ITGA9: variants seen among roughly 807,000 people sequenced by gnomAD.
The protein encoded by ITGA9 is integrin alpha-9.
ITGA9 carries 56 observed loss-of-function variants against 127.8 expected under a neutral mutation model. The observed-to-expected ratio is 0.44, with a 90% CI of 0.35 to 0.55. The LOEUF is 0.55. ITGA9 is among the 20% of genes least tolerant of loss of function. The probability of loss-of-function intolerance (pLI) is 0.00; values close to 1 mark genes in which losing one functional copy is unlikely to be tolerated. For synonymous variants in ITGA9, 508 were observed against 514.5 expected (o/e 0.99, Z 0.17); for missense variants, 1,196 against 1,347.1 (o/e 0.89, Z 1.76).
chr3:37,533,663 C>A (rs1699180979), intron 14 of ITGA9, among the ~76,000 whole-genome samples, 195 bp downstream of exon 14: 1 of 152,216 alleles, frequency 6.6e-6, no homozygotes, highest in Non-Finnish European at 1.5e-5. Flanking sequence ...TGTCACACAA[C>A]CTCCAGCTCT....
In ITGA9 at chr3:37,708,046, G is replaced by A. The variant is rs113526882; in HGVS notation, c.2067+24031G>A. Among the ~76,000 whole-genome samples the A allele has an allele frequency of 2.6e-3, 389 of 152,258 alleles. 1 individual carries two copies. The highest frequency in any genetic ancestry group is 8.9e-3 in the African/African-American group (368 of 41,544). ...TAACAAACCACCCCCAAATCTAGTG[G>A]GCTTAATACAGCAATCATTTCTATT... On this transcript the variant is annotated intron_variant, in intron 18 of 27. Transcript: ENST00000264741.
At chr3:37,614,867 T>G (rs1037333558) in intron 15 of ITGA9, among the ~76,000 whole-genome samples, 3 of 152,238 alleles carry the variant, frequency 2.0e-5, no homozygotes, top group Non-Finnish European at 4.4e-5. Context: ...GATTTTGGGC[T>G]GAGATGATGG....
At chr3:37,621,452 G>A (rs1266497790) in intron 15 of ITGA9, among the ~76,000 whole-genome samples, 1 of 152,188 alleles carries the variant, frequency 6.6e-6, no homozygotes, top group Admixed American at 6.5e-5. Flanking sequence ...CCTGGCCACT[G>A]CTGCTATATT....
intron 20 of ITGA9, among the ~76,000 whole-genome samples, chr3:37,739,110 G>C (rs1242427809): frequency 6.6e-6 from 1 of 152,170 alleles, no homozygotes; most frequent in East Asian, 1.9e-4. Context: ...CCCTTACTCT[G>C]TGCTGGGCAC....
At chr3:37,582,855 C>T (rs1699723240) in intron 15 of ITGA9, among the ~76,000 whole-genome samples, 1 of 152,228 alleles carries the variant, frequency 6.6e-6, no homozygotes, top group Non-Finnish European at 1.5e-5. Context: ...CCTAAGCAAT[C>T]CTCAAGCCTC....
intron 15 of ITGA9, among the ~76,000 whole-genome samples, chr3:37,619,302 T>C (rs1048061441): frequency 2.0e-5 from 3 of 152,172 alleles, no homozygotes; most frequent in Non-Finnish European, 4.4e-5. Context: ...CTTTAGGAAT[T>C]TTAAGCCCAC....
At chr3:37,598,962 A>G (rs1347888633) in intron 15 of ITGA9, among the ~76,000 whole-genome samples, 1 of 152,204 alleles carries the variant, frequency 6.6e-6, no homozygotes, top group South Asian at 2.1e-4. Flanking sequence ...TCATGCAGAC[A>G]TCTGGAAAGA....
intron 23 of ITGA9, among the ~76,000 whole-genome samples, chr3:37,758,059 C>T (rs1379451948): frequency 2.0e-5 from 3 of 150,864 alleles, no homozygotes; most frequent in African/African-American, 4.9e-5. Context: ...CGCGGTGGCT[C>T]ACGCCTGTAA....
chr3:37,700,742 G>A (rs768913374), intron 18 of ITGA9, among the ~76,000 whole-genome samples: 1 of 152,178 alleles, frequency 6.6e-6, no homozygotes, highest in Non-Finnish European at 1.5e-5. Context: ...ATAAACTAAT[G>A]GATGGTGGGC....
At chr3:37,705,826 T>C (rs7431288) in intron 18 of ITGA9, among the ~76,000 whole-genome samples, 139,426 of 152,276 alleles carry the variant, frequency 0.92, 63,956 homozygotes, top group African/African-American at 0.98. Flanking sequence ...TTTAAAGCAA[T>C]GATTCACCCA....
intron 15 of ITGA9, among the ~76,000 whole-genome samples, chr3:37,590,751 G>A (rs986808605): frequency 3.3e-5 from 5 of 152,208 alleles, no homozygotes; most frequent in Non-Finnish European, 7.3e-5. Context: ...GAGGGCTAAG[G>A]CATGCTTTAC....
At chr3:37,457,882 A>C (rs965525767) in intron 1 of ITGA9, among the ~76,000 whole-genome samples, 1 of 152,206 alleles carries the variant, frequency 6.6e-6, no homozygotes, top group Non-Finnish European at 1.5e-5. Context: ...TGTCTCAACC[A>C]GTCATTAACG....
chr3:37,733,052 C>G (rs764479062), intron 19 of ITGA9: 2 of 500,252 alleles, frequency 4.0e-6, no homozygotes, highest in South Asian at 4.0e-5. Context: ...GAAGGACACA[C>G]CACAGCCTCT....
chr3:37,737,023 A>G lies in ITGA9; in HGVS notation c.2234+40A>G, dbSNP rs1464016968. 4.0e-5 allele frequency: 51 copies of G among 1,269,504 alleles called. 1 individual carries two copies. The highest frequency in any genetic ancestry group is 5.9e-5 in the Non-Finnish European group (51 of 867,450). 78.6% of individuals were successfully genotyped at this position (1,269,504 alleles called of 1,614,324 possible). On this transcript the variant is annotated intron_variant, in intron 20 of 27. Transcript: ENST00000264741. Reference sequence around the variant, plus strand: ...TAAACACTTTTTTCAAAGATGAGAGATTTATGGGACCAGGAAAGGATGTGT... The same window carrying G: ...TAAACACTTTTTTCAAAGATGAGAGGTTTATGGGACCAGGAAAGGATGTGT...
intron 2 of ITGA9, 29 bp from the exon 3 acceptor site, chr3:37,473,325 C>T: frequency 6.3e-7 from 1 of 1,586,646 alleles, no homozygotes; most frequent in Non-Finnish European, 8.7e-7. Flanking sequence ...CTCCTCAACC[C>T]AAGTCTGGCT....
At chr3:37,750,426 C>G in intron 22 of ITGA9, 36 bp from the exon 23 acceptor site, 1 of 1,232,882 alleles carries the variant, frequency 8.1e-7, no homozygotes, top group Non-Finnish European at 1.2e-6. Flanking sequence ...CTGCTATTTT[C>G]CACTGAGACT....
At chr3:37,553,064 A>C (rs961390084) in intron 15 of ITGA9, among the ~76,000 whole-genome samples, 1 of 152,150 alleles carries the variant, frequency 6.6e-6, no homozygotes, top group African/African-American at 2.4e-5. Context: ...TCTTACAAAA[A>C]AGTCATTAGG....
At position 37,452,794 on chromosome 3, in the gene ITGA9, C is replaced by T. The variant is rs1375161113; in HGVS notation, c.185+235C>T. Among the ~76,000 whole-genome samples, 1 of 152,154 alleles carries T rather than the reference C, an allele frequency of 6.6e-6. No individual in the cohort carries two copies. The highest frequency in any genetic ancestry group is 1.5e-5 in the Non-Finnish European group (1 of 68,008). On this transcript the variant is annotated intron_variant, in intron 1 of 27. Coordinates refer to ENST00000264741, the MANE Select transcript of ITGA9 (RefSeq NM_002207.3). The surrounding 1 kb of genome is among the most constrained non-coding windows in gnomAD (Gnocchi z 7.3). Reference sequence around the variant, plus strand: ...GGAGGCGGGCGGGGGCGTCCGGGTGCCTCCCTGGGGTCCCAGCCCAGAGCG... The same window carrying T: ...GGAGGCGGGCGGGGGCGTCCGGGTGTCTCCCTGGGGTCCCAGCCCAGAGCG...
chr3:37,661,000 C>T lies in ITGA9; in HGVS notation c.1916+7210C>T, dbSNP rs1700528158. 3.3e-5 allele frequency among the ~76,000 whole-genome samples: 5 copies of T among 152,332 alleles called. No individual in the cohort carries two copies. The South Asian group carries it at 8.3e-4, about 25-fold the overall frequency. The stretch of plus-strand genomic sequence containing the variant: ...CAGAACTGGTGCACTTTTCCTCCAG[C>T]CTTATTCTATTGGCCACAGCAAGTC... On this transcript the variant is annotated intron_variant, in intron 17 of 27. Transcript: ENST00000264741.
Sources: gnomAD v4.1 joint callset for allele counts (sites outside exome capture counted in the v4.1 genomes callset) on GRCh38, gnomAD v4.1.1 for gene constraint, Gnocchi (gnomAD v3.1) non-coding constraint, MANE v1.5 for transcripts, NCBI Gene and HGNC (gene_info 2026-07-23, HGNC 2026-07-21) for gene names.